Variants in CXADR observed in about 807,000 individuals in gnomAD.
CXADR encodes coxsackievirus and adenovirus receptor.
CXADR carries 20 observed loss-of-function variants against 40.3 expected under a neutral mutation model. The ratio of observed to expected loss-of-function variants is 0.50; its 90% confidence interval spans 0.35 to 0.72. CXADR has a LOEUF of 0.72. CXADR is among the 30% of genes least tolerant of loss of function. The probability of loss-of-function intolerance (pLI) is 0.01; values close to 1 mark genes in which losing one functional copy is unlikely to be tolerated. For synonymous variants in CXADR, 150 were observed against 161.3 expected (o/e 0.93, Z 0.53); for missense variants, 332 against 449.1 (o/e 0.74, Z 2.36).
chr21:17,524,100 G>A (rs1181098929), intron 1 of CXADR, among the ~76,000 whole-genome samples: 1 of 151,130 alleles, frequency 6.6e-6, no homozygotes, highest in Admixed American at 6.6e-5. Flanking sequence ...CACCATGTTG[G>A]CCAGCCTGGT....
At chr21:17,623,062 C>G in the CXADR span, among the ~76,000 whole-genome samples, 2 of 152,120 alleles carry the variant, frequency 1.3e-5, no homozygotes, top group African/African-American at 4.8e-5. Context: ...ACCTCAGCCT[C>G]CTGAGTAGCT....
intron 7 of CXADR, among the ~76,000 whole-genome samples, chr21:17,586,693 A>G (rs1424222229): frequency 6.6e-6 from 1 of 152,030 alleles, no homozygotes. Context: ...TTAAAAATGG[A>G]TAGCCAAATA....
intron 1 of CXADR, among the ~76,000 whole-genome samples, chr21:17,525,776 C>G (rs1217247609): frequency 2.0e-5 from 3 of 152,216 alleles, no homozygotes; most frequent in Non-Finnish European, 4.4e-5. Flanking sequence ...GAGCCACTCT[C>G]TTAACCTTGG....
At chr21:17,513,425 G>T (rs1452537895) in intron 1 of CXADR, among the ~76,000 whole-genome samples, 1 of 152,104 alleles carries the variant, frequency 6.6e-6, no homozygotes, top group Admixed American at 6.5e-5. Flanking sequence ...GGGTGGAGGC[G>T]GAGGGGCTCG....
At chr21:17,526,008 T>C (rs551217514) in intron 1 of CXADR, among the ~76,000 whole-genome samples, 1 of 152,344 alleles carries the variant, frequency 6.6e-6, no homozygotes. Flanking sequence ...TATGCTTTTT[T>C]CCCCATGTAT....
At chr21:17,630,136 A>G in the CXADR span, among the ~76,000 whole-genome samples, 1 of 152,240 alleles carries the variant, frequency 6.6e-6, no homozygotes, top group East Asian at 1.9e-4. Flanking sequence ...AAAAAAAGAC[A>G]GTCGAATGAA....
chr21:17,560,332 G>C (rs979189), intron 4 of CXADR, among the ~76,000 whole-genome samples: 2 of 151,948 alleles, frequency 1.3e-5, no homozygotes, highest in African/African-American at 4.8e-5. Context: ...TTCCATCTAG[G>C]GGGGAATAAA....
chr21:17,630,648 TTC>T, the CXADR span, among the ~76,000 whole-genome samples: 5 of 78,602 alleles, frequency 6.4e-5, no homozygotes, highest in African/African-American at 1.3e-4. Context: ...TTCTTCCTTC[TTC>T]TTTTTTTTTT....
intron 7 of CXADR, among the ~76,000 whole-genome samples, chr21:17,592,919 T>C (rs1448097422): frequency 6.6e-6 from 1 of 151,944 alleles, no homozygotes; most frequent in Non-Finnish European, 1.5e-5. Flanking sequence ...TTGTGCAGTT[T>C]TGTATTTCAA....
chr21:17,536,267 G>T (rs1035848019), intron 1 of CXADR, among the ~76,000 whole-genome samples: 2 of 152,124 alleles, frequency 1.3e-5, no homozygotes, highest in Admixed American at 6.5e-5. Context: ...ACATAAAGTA[G>T]CATCAGTGTT....
At position 17,566,935 on chromosome 21, in the gene CXADR, T is replaced by C. The variant is rs1384408244; in HGVS notation, c.*1243T>C. 1.1e-6 allele frequency: 1 copy of C among 948,012 alleles called. No individual in the cohort carries two copies. Among genetic ancestry groups the C allele is most frequent in the Non-Finnish European group, 1.2e-6 (1 of 813,122 alleles). The allele number at this position is 948,012 out of a possible 1,614,324, so 58.7% of individuals were successfully genotyped here. ...AAAGTTTGTCTTAGTTTTGTGAAGG[T>C]GATTTATTCTTAAAAAAAAAAAAGA... is the stretch of plus-strand genomic sequence containing the variant. On this transcript the variant is annotated 3_prime_UTR_variant, in exon 7 of 7. Coordinates refer to ENST00000284878, the MANE Select transcript of CXADR (RefSeq NM_001338.5).
At chr21:17,534,110 T>TTA (rs2060721726) in intron 1 of CXADR, among the ~76,000 whole-genome samples, 2 of 78,314 alleles carry the variant, frequency 2.6e-5, no homozygotes, top group Admixed American at 1.6e-4. Context: ...ATTTTTTTTT[T>TTA]TTTTTTTTTT....
At chr21:17,602,932 T>C in the CXADR span, among the ~76,000 whole-genome samples, 1 of 152,228 alleles carries the variant, frequency 6.6e-6, no homozygotes. Flanking sequence ...AGGATCATTA[T>C]ATTGAACGTA....
chr21:17,596,729 C>T (rs1456048825), downstream of CXADR, among the ~76,000 whole-genome samples: 1 of 151,172 alleles, frequency 6.6e-6, no homozygotes, highest in African/African-American at 2.5e-5. Flanking sequence ...CCAACTGATC[C>T]TCCTTTTTTA....
At chr21:17,584,189 G>A (rs1405244886) in intron 7 of CXADR, among the ~76,000 whole-genome samples, 1 of 152,180 alleles carries the variant, frequency 6.6e-6, no homozygotes, top group African/African-American at 2.4e-5. Flanking sequence ...TCCTGGCTCA[G>A]CCACTGAACA....
chr21:17,590,557 GACA>G (rs941291674), intron 7 of CXADR, among the ~76,000 whole-genome samples: 11 of 152,004 alleles, frequency 7.2e-5, no homozygotes, highest in Non-Finnish European at 5.9e-5. Context: ...GTGCTTGTGT[GACA>G]ACTTCGCAGT....
At chr21:17,586,241 A>G (rs1474222850) in intron 7 of CXADR, among the ~76,000 whole-genome samples, 2 of 151,962 alleles carry the variant, frequency 1.3e-5, no homozygotes, top group Admixed American at 6.6e-5. Context: ...AATTATATAC[A>G]GACCCTTTTT....
intron 7 of CXADR, among the ~76,000 whole-genome samples, chr21:17,577,103 G>A (rs1011872791): frequency 2.0e-5 from 3 of 151,804 alleles, no homozygotes; most frequent in Non-Finnish European, 4.4e-5. Context: ...TGCCAGTAAC[G>A]AGAGTGCCTC....
the CXADR span, among the ~76,000 whole-genome samples, chr21:17,623,225 AG>A: frequency 6.6e-6 from 1 of 152,134 alleles, no homozygotes; most frequent in Admixed American, 6.5e-5. Flanking sequence ...TACAGGTGTG[AG>A]CCACTACACC....
Sources: gnomAD v4.1 joint callset for allele counts (sites outside exome capture counted in the v4.1 genomes callset) on GRCh38, gnomAD v4.1.1 for gene constraint, MANE v1.5 for transcripts, NCBI Gene and HGNC (gene_info 2026-07-23, HGNC 2026-07-21) for gene names.